The following ARPC5L variants were observed in gnomAD, a reference collection of about 807,000 sequenced individuals.
The protein encoded by ARPC5L is actin related protein 2/3 complex subunit 5 like, also known as actin-related protein 2/3 complex subunit 5-like protein.
In ARPC5L, 4 loss-of-function variants were observed where a neutral mutation model predicts 16.9. The ratio of observed to expected loss-of-function variants is 0.24; its 90% CI spans 0.12 to 0.54. The LOEUF is 0.54. Ranked by LOEUF, ARPC5L falls within the 20% of genes least tolerant of loss-of-function variation. The pLI is 0.95. For missense variants in ARPC5L, 151 were observed against 201.9 expected (o/e 0.75, Z 1.53); for synonymous variants, 78 against 82.6 (o/e 0.94, Z 0.30).
At chr9:124,876,646 T>A (rs1041693303) in intron 5 of ARPC5L, among the ~76,000 whole-genome samples, 1 of 152,126 alleles carries the variant, frequency 6.6e-6, no homozygotes, top group Non-Finnish European at 1.5e-5. Context: ...CTCTGCTTTG[T>A]GTGCTGGTGA....
chr9:124,872,431 T>C (rs1829373088), intron 3 of ARPC5L, among the ~76,000 whole-genome samples: 1 of 151,934 alleles, frequency 6.6e-6, no homozygotes, highest in Non-Finnish European at 1.5e-5. Context: ...CCGCCTCTAC[T>C]AAAAATACAA....
At chr9:124,874,906 T>G in intron 4 of ARPC5L, 69 bp from the exon 5 acceptor site, 1 of 1,588,232 alleles carries the variant, frequency 6.3e-7, no homozygotes, top group Non-Finnish European at 8.6e-7. Flanking sequence ...GTGTCCTTGC[T>G]TTGGTGTGGG....
chr9:124,872,147 C>G (rs1469952938), intron 3 of ARPC5L, among the ~76,000 whole-genome samples: 1 of 152,116 alleles, frequency 6.6e-6, no homozygotes, highest in African/African-American at 2.4e-5. Context: ...GCTTTTTGCC[C>G]CCGTGGACTA....
At chr9:124,866,505 T>C (rs188099497) in intron 2 of ARPC5L, among the ~76,000 whole-genome samples, 43 of 152,222 alleles carry the variant, frequency 2.8e-4, no homozygotes, top group African/African-American at 8.4e-4. Flanking sequence ...GCAGATCACC[T>C]GAGGTCAGGA....
At chr9:124,871,043 C>T (rs1036289729) in intron 3 of ARPC5L, among the ~76,000 whole-genome samples, 1 of 152,128 alleles carries the variant, frequency 6.6e-6, no homozygotes, top group African/African-American at 2.4e-5. Context: ...CTGGCAAATA[C>T]GGGGCCCAGG....
intron 4 of ARPC5L, 49 bp downstream of exon 4, chr9:124,873,813 T>A (rs1234739393): frequency 1.3e-6 from 2 of 1,596,266 alleles, no homozygotes; most frequent in East Asian, 2.2e-5. Context: ...GGACCAGGGC[T>A]GTGGGTGTCT....
At position 124,867,435 on chromosome 9, in the gene ARPC5L, C is replaced by T. The variant is rs572936469; in HGVS notation, c.-863-993C>T. On this transcript the variant is annotated intron_variant, in intron 2 of 5. Transcript: ENST00000353214. ...GATTACAGGTGTGAGCCACTGCGCC[C>T]GGCCAGGACACCTCCTTTGATCACT... Among the ~76,000 whole-genome samples, 5 of 152,232 alleles carry T rather than the reference C, an allele frequency of 3.3e-5. No individual in the cohort carries two copies. In the South Asian group the frequency reaches 8.3e-4, roughly 25 times the overall value.
chr9:124,872,234 A>C (rs544591262), intron 3 of ARPC5L, among the ~76,000 whole-genome samples: 3 of 152,162 alleles, frequency 2.0e-5, no homozygotes, highest in Non-Finnish European at 4.4e-5. Context: ...ATGAAGAGCA[A>C]GTGAGCCTAT....
intron 2 of ARPC5L, among the ~76,000 whole-genome samples, 149 bp from the exon 3 acceptor site, chr9:124,868,277 AAT>A (rs1298620219): frequency 1.3e-5 from 2 of 152,182 alleles, no homozygotes; most frequent in African/African-American, 2.4e-5. Flanking sequence ...ATTAGATGAA[AAT>A]AGTTTTCACA....
chr9:124,866,280 G>A lies in ARPC5L; in HGVS notation c.-863-2148G>A, dbSNP rs543532133. Among the ~76,000 whole-genome samples the A allele has an allele frequency of 2.7e-4, 39 of 142,238 alleles. No homozygotes were observed. In the South Asian group the frequency reaches 8.1e-3, roughly 30 times the overall value. 93.3% of individuals were successfully genotyped at this position (142,238 alleles called of 152,430 possible). On this transcript the variant is annotated intron_variant, in intron 2 of 5. Transcript: ENST00000353214. Reference sequence around the variant, plus strand: ...TTAGCCAGGTGTGGTGGCAGGTGCCGGTAATCCCAGCTACTCCAGAGGCTG... The same window carrying A: ...TTAGCCAGGTGTGGTGGCAGGTGCCAGTAATCCCAGCTACTCCAGAGGCTG...
At chr9:124,873,555 C>T in intron 3 of ARPC5L, 137 bp from the exon 4 acceptor site, 1 of 948,040 alleles carries the variant, frequency 1.1e-6, no homozygotes, top group South Asian at 1.5e-5. Context: ...CGTCTCTGCC[C>T]CCCTGGAAGC....
rs924572605 is a variant in ARPC5L at position 124,864,091 on chromosome 9, C to T, written c.-880C>T. 1 of 152,132 alleles carries T rather than the reference C, an allele frequency of 6.6e-6. No individual in the cohort carries two copies. The highest frequency in any genetic ancestry group is 1.5e-5 in the Non-Finnish European group (1 of 68,040). 9.4% of individuals were successfully genotyped at this position (152,132 alleles called of 1,614,324 possible). A position where few individuals can be genotyped will look rare whatever the true frequency, so the allele number is the denominator to read the frequency against. ...GATGCTTGTTGGATGAATTAATGAA[C>T]CTTGACCCACACCAAGGTGAGGAAG... On this transcript the variant is annotated 5_prime_UTR_variant, in exon 2 of 6. Coordinates refer to ENST00000353214, the MANE Select transcript of ARPC5L (RefSeq NM_030978.3).
intron 2 of ARPC5L, among the ~76,000 whole-genome samples, chr9:124,864,721 C>G (rs1332124526): frequency 6.6e-6 from 1 of 152,018 alleles, no homozygotes. Flanking sequence ...CCAGGGTGGT[C>G]TCAAACTCCT....
intron 2 of ARPC5L, among the ~76,000 whole-genome samples, chr9:124,865,310 C>CT (rs1476027142): frequency 1.0e-4 from 8 of 78,862 alleles, no homozygotes; most frequent in African/African-American, 4.2e-4. Context: ...GAGGGAAACT[C>CT]TGTCTAAAAA....
At chr9:124,865,491 A>G (rs1196412807) in intron 2 of ARPC5L, among the ~76,000 whole-genome samples, 3 of 151,810 alleles carry the variant, frequency 2.0e-5, no homozygotes, top group Non-Finnish European at 4.4e-5. Flanking sequence ...TCTACCTTCA[A>G]AATTTACCCA....
chr9:124,862,751 C>T (rs1269676925), intron 1 of ARPC5L, among the ~76,000 whole-genome samples: 2 of 152,034 alleles, frequency 1.3e-5, no homozygotes, highest in Non-Finnish European at 2.9e-5. Context: ...ATCTTGAACT[C>T]CTCAGCTCAG....
In ARPC5L at chr9:124,876,931, G is replaced by A. The variant is rs11541330; in HGVS notation, c.453G>A (p.Lys151=). 2 of 1,612,394 alleles carry A rather than the reference G, an allele frequency of 1.2e-6. No individual in the cohort carries two copies. Among genetic ancestry groups the A allele is most frequent in the Non-Finnish European group, 1.7e-6 (2 of 1,179,304 alleles). Residue 151 remains lysine, a synonymous_variant, in exon 6 of 6, where the codon AAG becomes AAA. Coordinates refer to ENST00000353214, the MANE Select transcript of ARPC5L (RefSeq NM_030978.3). The stretch of plus-strand genomic sequence containing the variant: ...TTATAAGAGTTCTTACAGCAAGAAA[G>A]ACTGTTTAAAAAAAATAAAAAGACT... ...GSIIRVLTAR[K]TV
intron 5 of ARPC5L, among the ~76,000 whole-genome samples, 168 bp downstream of exon 5, chr9:124,875,319 C>A (rs1449972074): frequency 6.6e-6 from 1 of 152,214 alleles, no homozygotes; most frequent in Non-Finnish European, 1.5e-5. Flanking sequence ...CAAGGAAGCT[C>A]CTGGTAGGGA....
chr9:124,873,733 C>T lies in ARPC5L; in HGVS notation c.191C>T (p.Ser64Phe), dbSNP rs1402252331. 3 of 1,614,066 alleles carry T rather than the reference C, an allele frequency of 1.9e-6. No homozygotes were observed. Among genetic ancestry groups the T allele is most frequent in the Non-Finnish European group, 2.5e-6 (3 of 1,180,050 alleles). Residue 64 changes from serine (S) to phenylalanine (F), a missense_variant, in exon 4 of 6, where the codon TCT becomes TTT. Ser to Phe is a radical substitution (Grantham distance 155). Coordinates refer to ENST00000353214, the MANE Select transcript of ARPC5L (RefSeq NM_030978.3). ...GCATTCCATGCAGCCTTGCGGAACT[C>T]TCCCGTCAACACCAAGAATCAAGCT... ...LRAFHAALRN[S>F]PVNTKNQAVK...
Sources: gnomAD v4.1 joint callset for allele counts (sites outside exome capture counted in the v4.1 genomes callset) on GRCh38, gnomAD v4.1.1 for gene constraint, MANE v1.5 for transcripts, NCBI Gene and HGNC (gene_info 2026-07-23, HGNC 2026-07-21) for gene names.